Variants in CCDC148 observed in about 807,000 individuals in gnomAD.
CCDC148 encodes coiled-coil domain-containing protein 148.
CCDC148 carries 89 observed loss-of-function variants against 85.7 expected under a neutral mutation model. The ratio of observed to expected loss-of-function variants is 1.04; its 90% CI spans 0.87 to 1.24. The LOEUF (loss-of-function observed/expected upper bound fraction) is 1.24. CCDC148 is among the 50% of genes most tolerant of loss of function. The pLI is 0.00. For missense variants in CCDC148, 692 were observed against 671.7 expected (o/e 1.03, Z -0.33); for synonymous variants, 230 against 213.9 (o/e 1.08, Z -0.66).
At chr2:158,386,998 A>C (rs752379238) in intron 1 of CCDC148, among the ~76,000 whole-genome samples, 1 of 152,136 alleles carries the variant, frequency 6.6e-6, no homozygotes, top group Non-Finnish European at 1.5e-5. Context: ...GCAGGGACAA[A>C]AATGGGACTA....
intron 10 of CCDC148, among the ~76,000 whole-genome samples, chr2:158,227,782 C>T (rs1475349960): frequency 1.3e-5 from 2 of 152,164 alleles, no homozygotes; most frequent in Non-Finnish European, 2.9e-5. Flanking sequence ...GGATCCCTTC[C>T]TTATGCCTTA....
chr2:158,323,951 T>C (rs986213609), intron 7 of CCDC148, among the ~76,000 whole-genome samples: 2 of 124,410 alleles, frequency 1.6e-5, no homozygotes, highest in African/African-American at 3.1e-5. Context: ...TTTTTTGAGA[T>C]AGGGTCTTAC....
intron 7 of CCDC148, among the ~76,000 whole-genome samples, chr2:158,317,509 C>T (rs946844944): frequency 9.9e-5 from 15 of 152,140 alleles, no homozygotes; most frequent in Admixed American, 4.6e-4. Context: ...ATTCAGAAAA[C>T]AACAACAGAG....
At chr2:158,346,038 T>C (rs997354745) in intron 2 of CCDC148, among the ~76,000 whole-genome samples, 1 of 152,214 alleles carries the variant, frequency 6.6e-6, no homozygotes. Context: ...TTCAACTAAA[T>C]GTAATTTTTC....
intron 7 of CCDC148, among the ~76,000 whole-genome samples, chr2:158,332,907 C>G (rs1284318513): frequency 4.6e-5 from 7 of 150,898 alleles, no homozygotes; most frequent in Non-Finnish European, 7.4e-5. Flanking sequence ...TTTGTGTCTA[C>G]TTGATTCTTC....
rs1227177603 is a variant in CCDC148, at chr2:158,425,468, TTC to T, written c.25+30945_25+30946del. Among the ~76,000 whole-genome samples, 15 of 151,896 alleles carry T rather than the reference TTC, an allele frequency of 9.9e-5. No individual in the cohort carries two copies. In the South Asian group the frequency reaches 1.9e-3, roughly 19 times the overall value. ...AACTGTATATAGCTGCCAATTCATG[TTC>T]TTTGTTTTTACTTTGTCCTTTGCTA... On this transcript the variant is annotated intron_variant, in intron 1 of 13. Coordinates refer to ENST00000283233, the MANE Select transcript of CCDC148 (RefSeq NM_138803.4).
At chr2:158,224,795 T>G (rs545780082) in intron 10 of CCDC148, among the ~76,000 whole-genome samples, 1 of 152,096 alleles carries the variant, frequency 6.6e-6, no homozygotes, top group Non-Finnish European at 1.5e-5. Context: ...AAAGAGCTCC[T>G]AAAGGAAGCA....
chr2:158,406,622 T>TCTGTTTTTTTTTTTTGTTTTTTTTG (rs1553518860), intron 1 of CCDC148, among the ~76,000 whole-genome samples: 1 of 84,522 alleles, frequency 1.2e-5, no homozygotes, highest in East Asian at 2.8e-4. Context: ...TCTTTTTTTT[T>TCTGTTTTTTTTTTTTGTTTTTTTTG]TTTTTTTTTT....
Position 158,309,599 on chromosome 2 carries a change from A to G in CCDC148, c.944T>C (p.Ile315Thr). 6.2e-7 allele frequency: 1 copy of G among 1,613,708 alleles called. No homozygotes were observed. The highest frequency in any genetic ancestry group is 8.5e-7 in the Non-Finnish European group (1 of 1,179,634). ...EKYCDQYRFA[I>T]EQQNILISNW... ...TGATATCAGGATATTTTGCTGCTCTATAGCAAAGCGATATTGGTCACAATA... is the reference window on the plus strand; with the variant it reads ...TGATATCAGGATATTTTGCTGCTCTGTAGCAAAGCGATATTGGTCACAATA... Residue 315 changes from isoleucine to threonine, a missense_variant, in exon 9 of 14, where the codon ATA becomes ACA. Coordinates refer to ENST00000283233, the MANE Select transcript of CCDC148 (RefSeq NM_138803.4).
intron 1 of CCDC148, among the ~76,000 whole-genome samples, chr2:158,415,795 T>C (rs567354668): frequency 3.3e-5 from 5 of 152,142 alleles, no homozygotes; most frequent in Non-Finnish European, 7.3e-5. Context: ...CTCCTTTGAC[T>C]CCACGTCTCA....
chr2:158,393,577 G>C (rs1685406031), intron 1 of CCDC148, among the ~76,000 whole-genome samples: 1 of 152,106 alleles, frequency 6.6e-6, no homozygotes, highest in Non-Finnish European at 1.5e-5. Flanking sequence ...CTACAGGTTA[G>C]GGGGCCAAGT....
intron 1 of CCDC148, among the ~76,000 whole-genome samples, chr2:158,415,097 A>G (rs1686436078): frequency 6.6e-6 from 1 of 152,056 alleles, no homozygotes; most frequent in South Asian, 2.1e-4. Context: ...GTCCATTCTC[A>G]CATTGCTACA....
chr2:158,329,372 A>G (rs906549839), intron 7 of CCDC148, among the ~76,000 whole-genome samples: 3 of 152,152 alleles, frequency 2.0e-5, no homozygotes, highest in Non-Finnish European at 2.9e-5. Flanking sequence ...CCATTGATGC[A>G]TATCTCTGTT....
At chr2:158,214,703 T>C (rs1686755707) in intron 11 of CCDC148, among the ~76,000 whole-genome samples, 1 of 152,188 alleles carries the variant, frequency 6.6e-6, no homozygotes, top group East Asian at 1.9e-4. Context: ...TTAGTTCAGA[T>C]ACTTTTTCTC....
intron 1 of CCDC148, among the ~76,000 whole-genome samples, chr2:158,359,438 C>T (rs377717631): frequency 2.5e-4 from 38 of 152,254 alleles, no homozygotes; most frequent in African/African-American, 8.7e-4. Context: ...CCAGCTAGAT[C>T]GATGCAGAAG....
chr2:158,218,021 G>C (rs1373530680), intron 11 of CCDC148, among the ~76,000 whole-genome samples: 1 of 152,112 alleles, frequency 6.6e-6, no homozygotes, highest in Non-Finnish European at 1.5e-5. Flanking sequence ...TTTGTATGTT[G>C]AATTCTATCT....
intron 9 of CCDC148, among the ~76,000 whole-genome samples, chr2:158,281,449 C>A (rs1690294856): frequency 6.6e-6 from 1 of 152,006 alleles, no homozygotes; most frequent in African/African-American, 2.4e-5. Flanking sequence ...GGGGATATCA[C>A]CACCGATCCC....
intron 1 of CCDC148, among the ~76,000 whole-genome samples, chr2:158,426,776 G>A (rs1687098032): frequency 6.6e-6 from 1 of 152,166 alleles, no homozygotes; most frequent in South Asian, 2.1e-4. Flanking sequence ...TTGTTCCAGT[G>A]ATATTTGCAC....
At chr2:158,442,709 T>C (rs1687986928) in intron 1 of CCDC148, among the ~76,000 whole-genome samples, 1 of 152,242 alleles carries the variant, frequency 6.6e-6, no homozygotes, top group South Asian at 2.1e-4. Flanking sequence ...TTCAGCTTTA[T>C]CCTCTCTTCC....
Sources: allele counts gnomAD v4.1 joint callset (sites outside exome capture counted in the v4.1 genomes callset), GRCh38; gene constraint gnomAD v4.1.1; transcripts MANE v1.5; gene names NCBI Gene and HGNC (gene_info 2026-07-23, HGNC 2026-07-21).